Variants in SLC35F3 observed in about 807,000 individuals in gnomAD.
The protein encoded by SLC35F3 is putative thiamine transporter SLC35F3.
In SLC35F3, 25 loss-of-function variants were observed where a neutral mutation model predicts 49.9. The ratio of observed to expected loss-of-function variants is 0.50; its 90% confidence interval spans 0.37 to 0.70. The LOEUF (loss-of-function observed/expected upper bound fraction) is 0.70. SLC35F3 is among the 30% of genes least tolerant of loss of function. SLC35F3 has a pLI of 0.00. For missense variants in SLC35F3, 525 were observed against 639.8 expected, an observed-to-expected ratio of 0.82 and a Z score of 1.94; for synonymous variants, 275 against 265.4, an observed-to-expected ratio of 1.04 and a Z score of -0.35.
chr1:233,981,232 A>G (rs750255926), intron 2 of SLC35F3, among the ~76,000 whole-genome samples: 1 of 152,198 alleles, frequency 6.6e-6, no homozygotes, highest in Non-Finnish European at 1.5e-5. Context: ...TGTGTACTTT[A>G]TGCATTGCAT....
chr1:234,026,929 G>A (rs1267101480), intron 2 of SLC35F3: 4 of 152,428 alleles, frequency 2.6e-5, no homozygotes, highest in Admixed American at 1.3e-4. Flanking sequence ...GGAAAGTAGT[G>A]GTGCCACACT....
chr1:234,179,882 A>G (rs183110925), intron 2 of SLC35F3, among the ~76,000 whole-genome samples: 1 of 152,334 alleles, frequency 6.6e-6, no homozygotes, highest in Non-Finnish European at 1.5e-5. Context: ...CTTCTTTAGA[A>G]CGAAAGAGCA....
chr1:234,211,548 G>T (rs1413916095), intron 2 of SLC35F3, among the ~76,000 whole-genome samples: 1 of 152,216 alleles, frequency 6.6e-6, no homozygotes, highest in Non-Finnish European at 1.5e-5. Flanking sequence ...GGAGTCAAAG[G>T]AGAGCATTTC....
chr1:234,114,554 TG>T (rs1553306411), intron 2 of SLC35F3, among the ~76,000 whole-genome samples: 1 of 152,234 alleles, frequency 6.6e-6, no homozygotes, highest in Non-Finnish European at 1.5e-5. Context: ...AATCTGTTTT[TG>T]CTATTCTCCA....
chr1:234,299,744 G>T lies in SLC35F3; in HGVS notation c.609-9357G>T, dbSNP rs538134712. Among the ~76,000 whole-genome samples the T allele has an allele frequency of 3.9e-4, 54 of 139,418 alleles. No homozygotes were observed. In the East Asian group the frequency reaches 4.2e-3, roughly 11 times the overall value. 91.5% of individuals were successfully genotyped at this position (139,418 alleles called of 152,430 possible). ...GGCATGAACCTGGGAGGCAGAGTTT[G>T]CAGTGAGCTGAGATTGCACCACTGC... is the stretch of plus-strand genomic sequence containing the variant. On this transcript the variant is annotated intron_variant, in intron 3 of 7. Coordinates refer to ENST00000366618, the MANE Select transcript of SLC35F3 (RefSeq NM_173508.4).
At chr1:234,275,770 A>G (rs1244449245) in intron 3 of SLC35F3, among the ~76,000 whole-genome samples, 1 of 134,214 alleles carries the variant, frequency 7.5e-6, no homozygotes. Context: ...AAAAATATAT[A>G]TATATATATA....
At chr1:234,126,349 G>A (rs1216505245) in intron 2 of SLC35F3, among the ~76,000 whole-genome samples, 2 of 152,142 alleles carry the variant, frequency 1.3e-5, no homozygotes, top group Non-Finnish European at 2.9e-5. Flanking sequence ...GTTGTAAGAG[G>A]TAATACAGAG....
intron 2 of SLC35F3, among the ~76,000 whole-genome samples, chr1:234,020,564 A>C (rs1018958637): frequency 2.0e-5 from 3 of 151,996 alleles, no homozygotes; most frequent in Non-Finnish European, 2.9e-5. Flanking sequence ...CAGTGGGATA[A>C]ATTAGGTTGC....
At chr1:234,149,560 C>T (rs529071315) in intron 2 of SLC35F3, among the ~76,000 whole-genome samples, 161 of 152,304 alleles carry the variant, frequency 1.1e-3, no homozygotes, top group Non-Finnish European at 9.3e-4. Flanking sequence ...TCCATCAGTT[C>T]ATCCCTGATG....
At chr1:234,043,099 T>C (rs1208512955) in intron 2 of SLC35F3, among the ~76,000 whole-genome samples, 1 of 152,224 alleles carries the variant, frequency 6.6e-6, no homozygotes, top group African/African-American at 2.4e-5. Flanking sequence ...TGCTTCCGTT[T>C]CTTAAGAAAA....
intron 2 of SLC35F3, among the ~76,000 whole-genome samples, chr1:234,079,328 T>C (rs1450997552): frequency 6.6e-6 from 1 of 152,136 alleles, no homozygotes; most frequent in Admixed American, 6.6e-5. Flanking sequence ...ATGTCAGAGC[T>C]AAAACAGTAA....
At chr1:234,288,813 T>C (rs1325635550) in intron 3 of SLC35F3, among the ~76,000 whole-genome samples, 1 of 152,222 alleles carries the variant, frequency 6.6e-6, no homozygotes, top group Non-Finnish European at 1.5e-5. Flanking sequence ...AACCCTTGTC[T>C]TTCTGGCTTC....
intron 2 of SLC35F3, among the ~76,000 whole-genome samples, chr1:234,177,188 C>T (rs772323326): frequency 4.6e-5 from 7 of 152,206 alleles, no homozygotes; most frequent in Non-Finnish European, 7.3e-5. Flanking sequence ...TTGCCTGCTG[C>T]CATCCATGTA....
At chr1:234,213,223 T>A (rs1374114103) in intron 2 of SLC35F3, 1 of 152,222 alleles carries the variant, frequency 6.6e-6, no homozygotes, top group East Asian at 1.9e-4. Context: ...TGTGGGGACT[T>A]GAATGACATA....
chr1:234,319,803 A>T (rs1378007696), intron 6 of SLC35F3, among the ~76,000 whole-genome samples: 1 of 152,240 alleles, frequency 6.6e-6, no homozygotes, highest in Admixed American at 6.5e-5. Context: ...AGCAGCAGAG[A>T]AAAGCAAAAT....
At chr1:233,907,487 A>G (rs1661795679) in intron 2 of SLC35F3, among the ~76,000 whole-genome samples, 1 of 152,218 alleles carries the variant, frequency 6.6e-6, no homozygotes, top group African/African-American at 2.4e-5. Flanking sequence ...CTGGAAGAGT[A>G]AATAGTAGCA....
At chr1:234,145,563 A>C (rs1240346703) in intron 2 of SLC35F3, among the ~76,000 whole-genome samples, 1 of 152,202 alleles carries the variant, frequency 6.6e-6, no homozygotes, top group African/African-American at 2.4e-5. Context: ...ACCACGGATC[A>C]AAAATATTCG....
chr1:233,935,456 C>T lies in SLC35F3; in HGVS notation c.283+29698C>T, dbSNP rs188538572. Among the ~76,000 whole-genome samples the T allele has an allele frequency of 2.5e-3, 384 of 152,116 alleles. 1 individual carries two copies. The highest frequency in any genetic ancestry group is 0.01 in the Middle Eastern group (3 of 294). On this transcript the variant is annotated intron_variant, in intron 2 of 7. Transcript: ENST00000366618. ...CTGTATCCTGGAGGCAGGGCACTTC[C>T]TATATTGTCCTCAAAGTGAGCTGAA... is the stretch of plus-strand genomic sequence containing the variant.
At chr1:234,100,981 CA>C (rs756116567) in intron 2 of SLC35F3, among the ~76,000 whole-genome samples, 136 of 152,272 alleles carry the variant, frequency 8.9e-4, no homozygotes, top group Non-Finnish European at 1.6e-3. Flanking sequence ...TTCATTTCAC[CA>C]ACCACACCTC....
Sources: allele counts gnomAD v4.1 joint callset (sites outside exome capture counted in the v4.1 genomes callset), GRCh38; gene constraint gnomAD v4.1.1; transcripts MANE v1.5; gene names NCBI Gene and HGNC (gene_info 2026-07-23, HGNC 2026-07-21).